The following STAG1 variants were observed in gnomAD, a reference collection of about 807,000 sequenced individuals.
STAG1 encodes STAG1 cohesin complex component, also known as cohesin subunit SA-1.
A neutral mutation model predicts 170.9 loss-of-function variants in STAG1; 26 were observed. The observed-to-expected ratio is 0.15, with a 90% CI of 0.11 to 0.21. The LOEUF is 0.21. Among genes scored for constraint, STAG1 ranks in the 10% least tolerant of loss-of-function variants. The pLI is 1.00. For missense variants in STAG1, 964 were observed against 1,509.5 expected (o/e 0.64, Z 5.99); for synonymous variants, 514 against 497.7 (o/e 1.03, Z -0.44).
intron 22 of STAG1, among the ~76,000 whole-genome samples, chr3:136,382,354 CAGT>C (rs1263677489): frequency 4.0e-5 from 6 of 150,460 alleles, no homozygotes; most frequent in African/African-American, 1.5e-4. Flanking sequence ...AACTAATTAA[CAGT>C]AGTATTTTAA....
At chr3:136,412,023 AAAAC>A (rs138662410) in intron 21 of STAG1, among the ~76,000 whole-genome samples, 54,654 of 151,398 alleles carry the variant, frequency 0.36, 10,863 homozygotes, top group African/African-American at 0.52. Flanking sequence ...CTTCGTCTAA[AAAAC>A]AAACAAACAA....
At chr3:136,449,952 T>C (rs956590669) in intron 14 of STAG1, among the ~76,000 whole-genome samples, 1 of 145,904 alleles carries the variant, frequency 6.9e-6, no homozygotes, top group Non-Finnish European at 1.5e-5. Flanking sequence ...GGAGTACAAA[T>C]GGAGCGATCA....
chr3:136,496,758 C>T (rs573032980), intron 9 of STAG1, among the ~76,000 whole-genome samples: 4 of 151,396 alleles, frequency 2.6e-5, no homozygotes, highest in Non-Finnish European at 5.9e-5. Context: ...AAGTGAAACC[C>T]AAAGTGAGCA....
chr3:136,375,158 T>C (rs1438583063), intron 23 of STAG1, among the ~76,000 whole-genome samples: 1 of 152,210 alleles, frequency 6.6e-6, no homozygotes, highest in Non-Finnish European at 1.5e-5. Flanking sequence ...CAATGTATCC[T>C]TGTTGTTAAG....
chr3:136,501,084 C>T (rs1250524774), intron 8 of STAG1, among the ~76,000 whole-genome samples: 1 of 152,106 alleles, frequency 6.6e-6, no homozygotes, highest in East Asian at 1.9e-4. Flanking sequence ...TTGTTTCAGG[C>T]TTTACTAAAA....
intron 1 of STAG1, among the ~76,000 whole-genome samples, chr3:136,690,980 T>C (rs1206036256): frequency 6.6e-6 from 1 of 151,436 alleles, no homozygotes; most frequent in East Asian, 1.9e-4. Context: ...GAGTCAGACA[T>C]GCATTTTCTT....
chr3:136,493,448 A>G (rs2090158214), intron 9 of STAG1, among the ~76,000 whole-genome samples: 1 of 152,122 alleles, frequency 6.6e-6, no homozygotes, highest in Non-Finnish European at 1.5e-5. Flanking sequence ...TGAGTCCAGG[A>G]GTTCAACACG....
chr3:136,622,009 A>G (rs1939877234), intron 3 of STAG1, among the ~76,000 whole-genome samples: 1 of 150,672 alleles, frequency 6.6e-6, no homozygotes. Flanking sequence ...AAAAAAAAAA[A>G]AAAGAGGGCT....
At chr3:136,654,713 G>C (rs1485117131) in intron 1 of STAG1, among the ~76,000 whole-genome samples, 1 of 152,172 alleles carries the variant, frequency 6.6e-6, no homozygotes, top group Non-Finnish European at 1.5e-5. Flanking sequence ...GAATCTTGAA[G>C]AACAAAGCTG....
intron 14 of STAG1, among the ~76,000 whole-genome samples, chr3:136,449,417 C>T (rs1316165000): frequency 6.6e-6 from 1 of 151,968 alleles, no homozygotes; most frequent in East Asian, 1.9e-4. Context: ...AAAAATTAGC[C>T]AAGCATGGTG....
intron 9 of STAG1, among the ~76,000 whole-genome samples, chr3:136,499,284 A>C (rs565489626): frequency 6.6e-6 from 1 of 152,216 alleles, no homozygotes; most frequent in African/African-American, 2.4e-5. Flanking sequence ...CCTCTGGTTC[A>C]GGCAATCCTC....
chr3:136,372,260 G>A (rs1364389756), intron 23 of STAG1, among the ~76,000 whole-genome samples: 2 of 152,126 alleles, frequency 1.3e-5, no homozygotes, highest in East Asian at 1.9e-4. Context: ...TGAGACGATG[G>A]GGTTTTCTAA....
At chr3:136,542,231 T>G in intron 5 of STAG1, 36 bp from the exon 6 acceptor site, 1 of 1,504,450 alleles carries the variant, frequency 6.6e-7, no homozygotes, top group Non-Finnish European at 9.2e-7. Context: ...ATCTTTCAAT[T>G]AATCTTTCAG....
intron 1 of STAG1, among the ~76,000 whole-genome samples, chr3:136,728,591 A>AGGCCGGGCGCGGTGGCTCACGCCT (rs1933822711): frequency 6.6e-6 from 1 of 152,234 alleles, no homozygotes; most frequent in Non-Finnish European, 1.5e-5. Flanking sequence ...TGCTAAGAAC[A>AGGCCGGGCGCGGTGGCTCACGCCT]GTAGTTGGCA....
chr3:136,530,609 G>C (rs953607188), intron 6 of STAG1, among the ~76,000 whole-genome samples: 5 of 152,002 alleles, frequency 3.3e-5, no homozygotes, highest in Non-Finnish European at 7.4e-5. Context: ...TCAATACAAA[G>C]AGAAACTCTG....
At chr3:136,471,232 TA>T (rs1266531621) in intron 12 of STAG1, among the ~76,000 whole-genome samples, 2 of 152,048 alleles carry the variant, frequency 1.3e-5, no homozygotes, top group African/African-American at 2.4e-5. Flanking sequence ...TACTTCTCTT[TA>T]AAAAAGATGA....
chr3:136,605,901 C>T (rs950240142), intron 3 of STAG1, among the ~76,000 whole-genome samples: 3 of 152,316 alleles, frequency 2.0e-5, no homozygotes, highest in Admixed American at 2.0e-4. Context: ...CTGCTCCCTG[C>T]ATTTGCTTTT....
At chr3:136,478,821 A>G (rs1363628255) in intron 9 of STAG1, among the ~76,000 whole-genome samples, 2 of 152,144 alleles carry the variant, frequency 1.3e-5, no homozygotes, top group African/African-American at 4.8e-5. Flanking sequence ...CATAGTGGCT[A>G]AAAGTACAGG....
chr3:136,716,306 T>C (rs139270227), intron 1 of STAG1, among the ~76,000 whole-genome samples: 2,313 of 150,720 alleles, frequency 0.015, 26 homozygotes, highest in Non-Finnish European at 0.025. Context: ...TAAAAAAAAA[T>C]ACAAAAATTA....
Sources: gnomAD v4.1 joint callset for allele counts (sites outside exome capture counted in the v4.1 genomes callset) on GRCh38, gnomAD v4.1.1 for gene constraint, MANE v1.5 for transcripts, NCBI Gene and HGNC (gene_info 2026-07-23, HGNC 2026-07-21) for gene names.